The following CD28 variants were observed in gnomAD, a reference collection of about 807,000 sequenced individuals.
CD28 encodes the protein CD28 molecule.
Under a neutral mutation model 21.4 loss-of-function variants are expected in CD28, and 8 were observed. The ratio of observed to expected loss-of-function variants is 0.37; its 90% confidence interval spans 0.22 to 0.68. The LOEUF is 0.68. CD28 is among the 30% of genes least tolerant of loss of function. CD28 has a pLI of 0.55. For synonymous variants in CD28, 106 were observed against 104.0 expected (o/e 1.02, Z -0.12); for missense variants, 239 against 272.2 (o/e 0.88, Z 0.86).
rs914270210 is a variant in CD28, at chr2:203,738,232, A to C, written c.*3320A>C. Reference sequence around the variant, plus strand: ...TTAACTAACTGAGCCACCGGTCCTCATGGCTATTTTAATGAGGGTATTGAT... The same window carrying C: ...TTAACTAACTGAGCCACCGGTCCTCCTGGCTATTTTAATGAGGGTATTGAT... On this transcript the variant is annotated 3_prime_UTR_variant, in exon 4 of 4. Transcript: ENST00000324106. 6.6e-6 allele frequency: 1 copy of C among 152,172 alleles called. No individual in the cohort carries two copies. Among genetic ancestry groups the C allele is most frequent in the Non-Finnish European group, 1.5e-5 (1 of 68,044 alleles). 9.4% of individuals were successfully genotyped at this position (152,172 alleles called of 1,614,324 possible). A position where few individuals can be genotyped will look rare whatever the true frequency, so the allele number is the denominator to read the frequency against.
intron 1 of CD28, among the ~76,000 whole-genome samples, chr2:203,716,380 G>A (rs763809548): frequency 6.6e-6 from 1 of 152,196 alleles, no homozygotes; most frequent in East Asian, 1.9e-4. Flanking sequence ...GCTTCGGAGA[G>A]TAGCTGATTG....
chr2:203,707,460 C>T (rs757554567), intron 1 of CD28, among the ~76,000 whole-genome samples: 3 of 152,154 alleles, frequency 2.0e-5, no homozygotes, highest in Non-Finnish European at 2.9e-5. Flanking sequence ...ACTCTATCTA[C>T]CTGAATTGAA....
intron 1 of CD28, among the ~76,000 whole-genome samples, chr2:203,720,473 G>A (rs1036801503): frequency 6.6e-6 from 1 of 152,172 alleles, no homozygotes; most frequent in Non-Finnish European, 1.5e-5. Context: ...TATTCACAGG[G>A]AAAGGGCTGG....
chr2:203,712,836 A>T (rs7426281), intron 1 of CD28, among the ~76,000 whole-genome samples: 2 of 152,128 alleles, frequency 1.3e-5, no homozygotes, highest in Non-Finnish European at 1.5e-5. Context: ...TTTATTTTGC[A>T]CTTATAATGT....
rs573517380 is a variant in CD28 at position 203,719,804 on chromosome 2, T to C, written c.53-6829T>C. Among the ~76,000 whole-genome samples, 264 of 152,264 alleles carry C rather than the reference T, an allele frequency of 1.7e-3. 1 individual carries two copies. The highest frequency in any genetic ancestry group is 1.7e-3 in the Non-Finnish European group (113 of 68,022). ...AGCCAATGTGTTTCCCATATTGCAT[T>C]TTGGGCTTCATTTTCTTTGGAAATC... On this transcript the variant is annotated intron_variant, in intron 1 of 3. Coordinates refer to ENST00000324106, the MANE Select transcript of CD28 (RefSeq NM_006139.4).
At chr2:203,712,611 C>A (rs1469049048) in intron 1 of CD28, among the ~76,000 whole-genome samples, 1 of 152,130 alleles carries the variant, frequency 6.6e-6, no homozygotes, top group African/African-American at 2.4e-5. Flanking sequence ...TCCTTCTAAC[C>A]TCTGTATTAG....
At chr2:203,724,447 C>T (rs561544028) in intron 1 of CD28, among the ~76,000 whole-genome samples, 1 of 152,078 alleles carries the variant, frequency 6.6e-6, no homozygotes, top group Non-Finnish European at 1.5e-5. Context: ...TCAATCCTTC[C>T]CCCCAGCCTA....
At chr2:203,716,115 C>T (rs1242595956) in intron 1 of CD28, among the ~76,000 whole-genome samples, 3 of 152,284 alleles carry the variant, frequency 2.0e-5, no homozygotes, top group Non-Finnish European at 4.4e-5. Flanking sequence ...TGTGCCTTTT[C>T]TTGGCTCCCC....
intron 1 of CD28, among the ~76,000 whole-genome samples, chr2:203,722,089 T>C (rs1693617810): frequency 6.6e-6 from 1 of 152,150 alleles, no homozygotes; most frequent in Non-Finnish European, 1.5e-5. Flanking sequence ...TTTCTTTAAA[T>C]CAGCTCACAA....
intron 1 of CD28, among the ~76,000 whole-genome samples, chr2:203,723,446 C>A (rs1159066364): frequency 6.6e-6 from 1 of 151,540 alleles, no homozygotes; most frequent in Non-Finnish European, 1.5e-5. Flanking sequence ...AAGATCATGC[C>A]ACTGCACTCC....
In CD28 at chr2:203,735,820, C is replaced by G. The variant is rs1694016930; in HGVS notation, c.*908C>G. ...CACTTGAGATCAGGACCAGCCTGGT[C>G]AAGATGGTGAAACTCCGTCTGTACT... is the stretch of plus-strand genomic sequence containing the variant. On this transcript the variant is annotated 3_prime_UTR_variant, in exon 4 of 4. Coordinates refer to ENST00000324106, the MANE Select transcript of CD28 (RefSeq NM_006139.4). 6.6e-6 allele frequency: 1 copy of G among 152,080 alleles called. No homozygotes were observed. The highest frequency in any genetic ancestry group is 6.6e-5 in the Admixed American group (1 of 15,266). The allele number at this position is 152,080 out of a possible 1,614,324, so 9.4% of individuals were successfully genotyped here. A position where few individuals can be genotyped will look rare whatever the true frequency, so the allele number is the denominator to read the frequency against.
At position 203,737,108 on chromosome 2, in the gene CD28, A is replaced by G. The variant is rs1281405518; in HGVS notation, c.*2196A>G. The G allele has an allele frequency of 6.6e-6, 1 of 152,310 alleles. No homozygotes were observed. 9.4% of individuals were successfully genotyped at this position (152,310 alleles called of 1,614,324 possible). On this transcript the variant is annotated 3_prime_UTR_variant, in exon 4 of 4. Coordinates refer to ENST00000324106, the MANE Select transcript of CD28 (RefSeq NM_006139.4). ...TGTAATGAAATATAAGGCACCTCCC[A>G]CTTTTATGTATAGAAAGAGGTCTTT... is the stretch of plus-strand genomic sequence containing the variant.
Position 203,706,708 on chromosome 2 carries a change from G to A in CD28, c.12G>A (p.Leu4=), listed in dbSNP as rs1693165342. The change falls in exon 1 of 4, where the codon CTG becomes CTA. Residue 4 remains leucine (L), a synonymous_variant. Transcript: ENST00000324106. MLR[L]LLALNLFPSI... ...TCGTCAGGACAAAGATGCTCAGGCT[G>A]CTCTTGGCTCTCAACTTATTCCCTT... 1.2e-6 allele frequency: 2 copies of A among 1,614,104 alleles called. No homozygotes were observed. Among genetic ancestry groups the A allele is most frequent in the Non-Finnish European group, 8.5e-7 (1 of 1,179,992 alleles).
intron 1 of CD28, 124 bp downstream of exon 1, chr2:203,706,872 A>G (rs1286530870): frequency 2.8e-6 from 2 of 716,614 alleles, no homozygotes; most frequent in South Asian, 1.8e-5. Context: ...TTGCTGTAAT[A>G]GGGCAATGTG....
chr2:203,719,409 C>G (rs1693548360), intron 1 of CD28, among the ~76,000 whole-genome samples: 1 of 152,146 alleles, frequency 6.6e-6, no homozygotes, highest in South Asian at 2.1e-4. Flanking sequence ...CCATTCACTC[C>G]CCTACTTAAT....
intron 1 of CD28, among the ~76,000 whole-genome samples, chr2:203,722,335 C>G (rs1280838856): frequency 6.6e-6 from 1 of 152,028 alleles, no homozygotes; most frequent in Non-Finnish European, 1.5e-5. Flanking sequence ...AAATCAAAAA[C>G]AAAAAAACAA....
intron 3 of CD28, among the ~76,000 whole-genome samples, chr2:203,731,863 G>T (rs1693903246): frequency 6.6e-6 from 1 of 152,050 alleles, no homozygotes; most frequent in Non-Finnish European, 1.5e-5. Flanking sequence ...CTGTGAATTG[G>T]GCAGTCCTGT....
chr2:203,726,462 T>C (rs1693751414), intron 1 of CD28, among the ~76,000 whole-genome samples, 171 bp from the exon 2 acceptor site: 1 of 152,192 alleles, frequency 6.6e-6, no homozygotes, highest in African/African-American at 2.4e-5. Context: ...TATTGAAATG[T>C]TAACTTTTGA....
At chr2:203,714,041 A>G (rs1243285083) in intron 1 of CD28, among the ~76,000 whole-genome samples, 1 of 151,928 alleles carries the variant, frequency 6.6e-6, no homozygotes, top group Non-Finnish European at 1.5e-5. Context: ...AGATGAGTGT[A>G]TTAGAGAGAG....
Sources: allele counts gnomAD v4.1 joint callset (sites outside exome capture counted in the v4.1 genomes callset), GRCh38; gene constraint gnomAD v4.1.1; transcripts MANE v1.5; gene names NCBI Gene and HGNC (gene_info 2026-07-23, HGNC 2026-07-21).